IFT122: variants seen among roughly 807,000 people sequenced by gnomAD.
IFT122 encodes the protein intraflagellar transport protein 122 homolog.
Under a neutral mutation model 161.6 loss-of-function variants are expected in IFT122, and 118 were observed. That is an observed-to-expected ratio of 0.73 (90% confidence interval 0.63 to 0.85). The LOEUF is 0.85. IFT122 is among the 40% of genes least tolerant of loss of function. The pLI is 0.00. For missense variants in IFT122, 1,381 were observed against 1,579.6 expected (o/e 0.87, Z 2.13); for synonymous variants, 550 against 602.4 (o/e 0.91, Z 1.27).
intron 24 of IFT122, chr3:129,514,013 T>A: frequency 2.7e-6 from 1 of 368,058 alleles, no homozygotes; most frequent in African/African-American, 2.1e-5. Context: ...AGGCCCCACC[T>A]GGCAGGGTGA....
intron 8 of IFT122, among the ~76,000 whole-genome samples, chr3:129,467,699 C>T (rs1269738543): frequency 6.6e-6 from 1 of 152,174 alleles, no homozygotes; most frequent in Non-Finnish European, 1.5e-5. Context: ...GTAGGGAAAA[C>T]ATGGGCAGGC....
intron 23 of IFT122, 70 bp downstream of exon 23, chr3:129,507,832 G>A (rs761403319): frequency 1.1e-5 from 13 of 1,156,756 alleles, no homozygotes; most frequent in African/African-American, 3.0e-5. Flanking sequence ...CATATCTAAA[G>A]AGCAGCAGAC....
At chr3:129,454,508 CATAT>C (rs1365426088) in intron 3 of IFT122, among the ~76,000 whole-genome samples, 2,052 of 112,414 alleles carry the variant, frequency 0.018, 50 homozygotes, top group African/African-American at 0.077. Flanking sequence ...CCATGGTAGT[CATAT>C]TTGTGTGTGT....
chr3:129,444,224 T>A lies in IFT122; in HGVS notation c.41+3853T>A, dbSNP rs576292855. ...CTACTTTTTATTCCGCCATGCTGCT[T>A]CTCAAAATGTGAAATGTGCCAAGGC... On this transcript the variant is annotated intron_variant, in intron 1 of 29. Transcript: ENST00000348417. Among the ~76,000 whole-genome samples the A allele has an allele frequency of 2.0e-5, 3 of 152,280 alleles. No homozygotes were observed. In the South Asian group the frequency reaches 6.2e-4, roughly 32 times the overall value.
intron 26 of IFT122, among the ~76,000 whole-genome samples, chr3:129,516,989 GCACA>G (rs1202330874): frequency 1.4e-4 from 10 of 74,008 alleles, no homozygotes; most frequent in South Asian, 5.0e-4. Context: ...GACTGCCCCT[GCACA>G]CACACACACA....
intron 26 of IFT122, among the ~76,000 whole-genome samples, chr3:129,517,218 GCACA>G (rs576896156): frequency 8.0e-5 from 9 of 112,332 alleles, no homozygotes; most frequent in Admixed American, 9.6e-5. Context: ...GACTGCCCCT[GCACA>G]CACACACACA....
chr3:129,469,943 G>A (rs1325569032), intron 9 of IFT122, among the ~76,000 whole-genome samples: 1 of 152,186 alleles, frequency 6.6e-6, no homozygotes. Context: ...GGTGTGGTAT[G>A]TGACACAATA....
In IFT122 at chr3:129,451,978, G is replaced by C; in HGVS notation, c.173G>C (p.Cys58Ser). Residue 58 changes from cysteine to serine, a missense_variant, in exon 3 of 30, where the codon TGT becomes TCT. Physicochemically the swap from Cys to Ser is moderately radical, Grantham distance 112. Around this residue, in one of 7 missense-constraint regions of IFT122, gnomAD observed 134 missense variants for 137.4 expected, o/e 0.98. Transcript: ENST00000348417. ...AAGGGACACAAAGACACTGTGTACT[G>C]TGTGGCATATGCGAAGGATGGTAAA... is the stretch of plus-strand genomic sequence containing the variant. ...PLKGHKDTVY[C>S]VAYAKDGKRF... The C allele has an allele frequency of 1.9e-6, 3 of 1,613,782 alleles. No individual in the cohort carries two copies. Among genetic ancestry groups the C allele is most frequent in the Non-Finnish European group, 2.5e-6 (3 of 1,179,658 alleles).
At chr3:129,472,991 T>C (rs68181680) in intron 9 of IFT122, among the ~76,000 whole-genome samples, 13,810 of 152,264 alleles carry the variant, frequency 0.091, 701 homozygotes, top group South Asian at 0.13. Context: ...ATCATAGTTA[T>C]AATAACTGTT....
chr3:129,476,940 GTTTTCTTTTT>G, intron 11 of IFT122, 139 bp downstream of exon 11: 2 of 714,976 alleles, frequency 2.8e-6, no homozygotes, highest in South Asian at 2.0e-5. Context: ...TCTGTGTCTT[GTTTTCTTTTT>G]TTTTTTTTTT....
intron 3 of IFT122, among the ~76,000 whole-genome samples, chr3:129,456,839 C>G (rs2075554789): frequency 6.6e-6 from 1 of 152,184 alleles, no homozygotes; most frequent in Non-Finnish European, 1.5e-5. Context: ...TCGCTTGAAC[C>G]CGGGAGTCGG....
intron 28 of IFT122, 105 bp from the exon 29 acceptor site, chr3:129,519,463 C>T: frequency 6.8e-7 from 1 of 1,465,608 alleles, no homozygotes; most frequent in African/African-American, 1.4e-5. Context: ...GTTTAGGAAG[C>T]AGGTCCTCTC....
intron 11 of IFT122, among the ~76,000 whole-genome samples, chr3:129,477,503 A>T (rs931826374): frequency 3.9e-5 from 6 of 152,170 alleles, no homozygotes; most frequent in African/African-American, 1.4e-4. Flanking sequence ...GGGGGACCCT[A>T]TCTTTTTGAA....
intron 6 of IFT122, 49 bp downstream of exon 6, chr3:129,463,675 A>C: frequency 6.9e-7 from 1 of 1,447,462 alleles, no homozygotes; most frequent in African/African-American, 1.4e-5. Flanking sequence ...TCTTCCACAC[A>C]GACTCTCAAA....
intron 25 of IFT122, 129 bp downstream of exon 25, chr3:129,514,683 C>A: frequency 9.1e-7 from 1 of 1,094,778 alleles, no homozygotes; most frequent in Non-Finnish European, 1.4e-6. Flanking sequence ...GTGCCCCCTG[C>A]TCAAGCCTGG....
Position 129,510,438 on chromosome 3 carries a change from A to G in IFT122, c.2887-1874A>G, listed in dbSNP as rs532109191. On this transcript the variant is annotated intron_variant, in intron 23 of 29. Coordinates refer to ENST00000348417, the MANE Select transcript of IFT122 (RefSeq NM_052989.3). ...CTCAAGGGACCTCATCTTCCCTTAC[A>G]GTCTTTGGCTTTCCTGAAACGAGAC... Among the ~76,000 whole-genome samples the G allele has an allele frequency of 2.6e-3, 393 of 152,244 alleles. 2 individuals are homozygous for G. The highest frequency in any genetic ancestry group is 4.3e-3 in the Non-Finnish European group (291 of 67,988).
At chr3:129,516,617 GCACA>G (rs1230262607) in intron 26 of IFT122, among the ~76,000 whole-genome samples, 3 of 92,730 alleles carry the variant, frequency 3.2e-5, no homozygotes, top group Non-Finnish European at 6.4e-5. Context: ...GACTGCCCCT[GCACA>G]CACACACACA....
intron 1 of IFT122, among the ~76,000 whole-genome samples, chr3:129,447,091 TTCAG>T (rs1577173232): frequency 1.3e-5 from 2 of 152,306 alleles, no homozygotes; most frequent in Admixed American, 6.5e-5. Context: ...AGCCAGATGT[TTCAG>T]TCAAATTAAA....
At chr3:129,494,146 A>T (rs1404146828) in intron 17 of IFT122, among the ~76,000 whole-genome samples, 5 of 151,958 alleles carry the variant, frequency 3.3e-5, no homozygotes, top group Non-Finnish European at 7.4e-5. Flanking sequence ...GGTCATGGTG[A>T]TATCCTGGGG....
Sources: allele counts gnomAD v4.1 joint callset (sites outside exome capture counted in the v4.1 genomes callset), GRCh38; gene constraint gnomAD v4.1.1; regional missense constraint gnomAD v4.1.1; transcripts MANE v1.5; gene names NCBI Gene and HGNC (gene_info 2026-07-23, HGNC 2026-07-21).